Variants in CAND1 observed in about 807,000 individuals in gnomAD.
CAND1 encodes cullin-associated NEDD8-dissociated protein 1.
CAND1 carries 7 observed loss-of-function variants against 108.5 expected under a neutral mutation model. The ratio of observed to expected loss-of-function variants is 0.06; its 90% CI spans 0.04 to 0.12. CAND1 has a LOEUF of 0.12. CAND1 is among the 10% of genes least tolerant of loss of function. The pLI is 1.00. For missense variants in CAND1, 941 were observed against 1,448.7 expected (o/e 0.65, Z 5.69); for synonymous variants, 534 against 512.0 (o/e 1.04, Z -0.58).
rs560843125 is a variant in CAND1 at position 67,307,330 on chromosome 12, T to A, written c.2930-67T>A. 3 of 1,142,736 alleles carry A rather than the reference T, an allele frequency of 2.6e-6. No homozygotes were observed. In the East Asian group the frequency reaches 7.3e-5, roughly 28 times the overall value. The allele number at this position is 1,142,736 out of a possible 1,614,324, so 70.8% of individuals were successfully genotyped here. A position where few individuals can be genotyped will look rare whatever the true frequency, so the allele number is the denominator to read the frequency against. Reference sequence around the variant, plus strand: ...AGACACTGGTGTTATTTGGAGTGGTTTAAAAATGATGTCCGTGAGTTTTAG... The same window carrying A: ...AGACACTGGTGTTATTTGGAGTGGTATAAAAATGATGTCCGTGAGTTTTAG... On this transcript the variant is annotated intron_variant, in intron 10 of 14. Coordinates refer to ENST00000545606, the MANE Select transcript of CAND1 (RefSeq NM_018448.5).
chr12:67,311,809 T>C lies in CAND1; in HGVS notation c.3468+9T>C. On this transcript the variant is annotated intron_variant, in intron 14 of 14. Transcript: ENST00000545606. ...CAACATGTACAACTAAGGTAAGAAA[T>C]GATAAGTATCAACCTAGGTCAGACT... 6.5e-7 allele frequency: 1 copy of C among 1,531,934 alleles called. No homozygotes were observed. Among genetic ancestry groups the C allele is most frequent in the Non-Finnish European group, 9.0e-7 (1 of 1,105,316 alleles). 94.9% of individuals were successfully genotyped at this position (1,531,934 alleles called of 1,614,324 possible). A position where few individuals can be genotyped will look rare whatever the true frequency, so the allele number is the denominator to read the frequency against.
intron 1 of CAND1, among the ~76,000 whole-genome samples, chr12:67,280,779 A>G (rs772517761): frequency 2.6e-5 from 4 of 152,210 alleles, no homozygotes; most frequent in Non-Finnish European, 5.9e-5. Flanking sequence ...CTTGGCCACC[A>G]TTCAGTCCTT....
chr12:67,311,959 G>A (rs1013500876), intron 14 of CAND1, among the ~76,000 whole-genome samples, 159 bp downstream of exon 14: 8 of 152,044 alleles, frequency 5.3e-5, no homozygotes, highest in African/African-American at 1.9e-4. Context: ...ATAAAACTTA[G>A]CCCTGTTAAC....
chr12:67,285,299 A>G (rs1156774792), intron 2 of CAND1, among the ~76,000 whole-genome samples: 2 of 152,206 alleles, frequency 1.3e-5, no homozygotes, highest in Admixed American at 6.5e-5. Context: ...AAGCAGAGAG[A>G]TATTTCATGT....
intron 1 of CAND1, among the ~76,000 whole-genome samples, chr12:67,278,166 T>G (rs539671837): frequency 2.6e-5 from 4 of 152,168 alleles, no homozygotes; most frequent in Non-Finnish European, 5.9e-5. Flanking sequence ...AGACAGAGTG[T>G]CACTCTTTTG....
chr12:67,299,160 T>G, intron 7 of CAND1, 65 bp downstream of exon 7: 1 of 1,393,744 alleles, frequency 7.2e-7, no homozygotes, highest in Non-Finnish European at 9.5e-7. Flanking sequence ...GAGATGATTC[T>G]TAGTCCAAAT....
intron 2 of CAND1, among the ~76,000 whole-genome samples, chr12:67,282,748 TAACTC>T (rs1187963844): frequency 3.3e-5 from 5 of 152,320 alleles, no homozygotes; most frequent in East Asian, 3.9e-4. Flanking sequence ...AAACCATAGT[TAACTC>T]AAAACAACAC....
In CAND1 at chr12:67,275,425, G is replaced by A. The variant is rs2044559995; in HGVS notation, c.68+5640G>A. ...ACCTGTAATCCCAGCTACTCGCGAGGCTGAGGCAGCAGAATTGCTTGAACC... is the reference window on the plus strand; with the variant it reads ...ACCTGTAATCCCAGCTACTCGCGAGACTGAGGCAGCAGAATTGCTTGAACC... On this transcript the variant is annotated intron_variant, in intron 1 of 14. Transcript: ENST00000545606. 2.0e-5 allele frequency among the ~76,000 whole-genome samples: 3 copies of A among 148,974 alleles called. No individual in the cohort carries two copies. In the South Asian group the frequency reaches 6.2e-4, roughly 31 times the overall value.
chr12:67,302,740 T>G (rs1200480401), intron 8 of CAND1, 125 bp downstream of exon 8: 4 of 737,194 alleles, frequency 5.4e-6, no homozygotes, highest in Admixed American at 5.6e-5. Context: ...GATATGTTTA[T>G]ATAGTTAATG....
In CAND1 at chr12:67,310,582, C is replaced by G. The variant is rs570092380; in HGVS notation, c.3360+266C>G. On this transcript the variant is annotated intron_variant, in intron 13 of 14. Coordinates refer to ENST00000545606, the MANE Select transcript of CAND1 (RefSeq NM_018448.5). ...TGCCCACTTGCTTAGTGAATAGTCCCTAGATCCTTTCCCTCAAAAAAGTCC... is the reference window on the plus strand; with the variant it reads ...TGCCCACTTGCTTAGTGAATAGTCCGTAGATCCTTTCCCTCAAAAAAGTCC... 3.4e-5 allele frequency: 8 copies of G among 238,766 alleles called. No homozygotes were observed. The South Asian group carries it at 9.1e-4, about 27-fold the overall frequency. 14.8% of individuals were successfully genotyped at this position (238,766 alleles called of 1,614,324 possible).
intron 2 of CAND1, among the ~76,000 whole-genome samples, chr12:67,291,382 G>T (rs1254181775): frequency 6.6e-6 from 1 of 152,214 alleles, no homozygotes; most frequent in Non-Finnish European, 1.5e-5. Flanking sequence ...TTCAAGGGCA[G>T]TGGAAATTCT....
chr12:67,314,022 A>C lies in CAND1; in HGVS notation c.*1192A>C, dbSNP rs1469792985. ...AAGCTTTTGCAGTACCTTATATTGT[A>C]GTTAAAATTTTATTTAACATATCCT... On this transcript the variant is annotated 3_prime_UTR_variant, in exon 15 of 15. Transcript: ENST00000545606. 1 of 152,576 alleles carries C rather than the reference A, an allele frequency of 6.6e-6. No individual in the cohort carries two copies. Among genetic ancestry groups the C allele is most frequent in the Non-Finnish European group, 1.5e-5 (1 of 68,000 alleles). 9.5% of individuals were successfully genotyped at this position (152,576 alleles called of 1,614,324 possible).
At chr12:67,304,224 G>A (rs1333267013) in intron 8 of CAND1, among the ~76,000 whole-genome samples, 1 of 152,028 alleles carries the variant, frequency 6.6e-6, no homozygotes, top group Non-Finnish European at 1.5e-5. Context: ...TCTTGACCTC[G>A]TGATCTGCCT....
At position 67,305,980 on chromosome 12, in the gene CAND1, G is replaced by T; in HGVS notation, c.2312G>T (p.Gly771Val). Reference protein sequence around the residue: ...ALVVTGTNNLGYMDLLRMLTG... With the variant: ...ALVVTGTNNLVYMDLLRMLTG... ...GTTGTCACTGGAACAAATAATTTAGGATACATGGATTTGTTGCGCATGCTG... is the reference window on the plus strand; with the variant it reads ...GTTGTCACTGGAACAAATAATTTAGTATACATGGATTTGTTGCGCATGCTG... The change falls in exon 10 of 15, where the codon GGA becomes GTA. Residue 771 changes from glycine (G) to valine (V), a missense_variant. Coordinates refer to ENST00000545606, the MANE Select transcript of CAND1 (RefSeq NM_018448.5). The surrounding 1 kb of genome is among the most constrained non-coding windows in gnomAD (Gnocchi z 4.4). The T allele has an allele frequency of 6.2e-7, 1 of 1,614,104 alleles. No homozygotes were observed. The highest frequency in any genetic ancestry group is 8.5e-7 in the Non-Finnish European group (1 of 1,180,000).
rs367835104 is a variant in CAND1 at position 67,305,763 on chromosome 12, C to T, written c.2095C>T (p.Pro699Ser). The change falls in exon 10 of 15, where the codon CCT (proline) becomes TCT (serine). Residue 699 changes from proline (P) to serine (S), a missense_variant. Pro to Ser is a moderately conservative substitution (Grantham distance 74). Transcript: ENST00000545606. This position sits in a 1 kb window ranked among gnomAD's most constrained non-coding sequence, Gnocchi z 4.4. ...MIDAVLDELP[P>S]LISESDMHVS... Reference sequence around the variant, plus strand: ...TGATGCAGTTCTAGATGAGCTCCCACCTCTTATCAGCGAAAGTGATATGCA... The same window carrying T: ...TGATGCAGTTCTAGATGAGCTCCCATCTCTTATCAGCGAAAGTGATATGCA... 8 of 1,614,092 alleles carry T rather than the reference C, an allele frequency of 5.0e-6. No individual in the cohort carries two copies. In the African/African-American group the frequency reaches 1.1e-4, roughly 22 times the overall value.
chr12:67,298,173 C>T (rs536528992), intron 6 of CAND1, among the ~76,000 whole-genome samples: 2 of 152,222 alleles, frequency 1.3e-5, no homozygotes, highest in South Asian at 2.1e-4. Flanking sequence ...ATAAATTATT[C>T]GTCAGAAATA....
intron 1 of CAND1, among the ~76,000 whole-genome samples, chr12:67,276,951 T>G (rs992601536): frequency 1.3e-5 from 2 of 152,202 alleles, no homozygotes; most frequent in African/African-American, 4.8e-5. Flanking sequence ...TCCATGTAGT[T>G]TGCAGTTTAA....
intron 2 of CAND1, among the ~76,000 whole-genome samples, chr12:67,286,333 A>C (rs1009473297): frequency 2.0e-5 from 3 of 152,134 alleles, no homozygotes; most frequent in African/African-American, 7.2e-5. Flanking sequence ...ACTGATACCC[A>C]AGAGTGAAAC....
Position 67,307,381 on chromosome 12 carries a change from A to C in CAND1, c.2930-16A>C. ...TGGACTACATACCAATAGACTTGCA[A>C]TTTATTTTTAACTAGGCTCATCATA... On this transcript the variant is annotated splice_polypyrimidine_tract_variant and intron_variant, in intron 10 of 14. Transcript: ENST00000545606. The C allele has an allele frequency of 1.3e-6, 2 of 1,596,574 alleles. No homozygotes were observed. Among genetic ancestry groups the C allele is most frequent in the Non-Finnish European group, 1.7e-6 (2 of 1,166,178 alleles).
Sources: allele counts gnomAD v4.1 joint callset (sites outside exome capture counted in the v4.1 genomes callset), GRCh38; gene constraint gnomAD v4.1.1; non-coding constraint Gnocchi (gnomAD v3.1); transcripts MANE v1.5; gene names NCBI Gene and HGNC (gene_info 2026-07-23, HGNC 2026-07-21).